The following SATL1 variants were observed in gnomAD, a reference collection of about 807,000 sequenced individuals.
The protein encoded by SATL1 is spermidine/spermine N1-acetyl transferase like 1.
In SATL1, 47 loss-of-function variants were observed where a neutral mutation model predicts 51.8. The observed-to-expected ratio is 0.91, with a 90% CI of 0.72 to 1.16. The LOEUF (loss-of-function observed/expected upper bound fraction) is 1.16. SATL1 is among the 50% of genes most tolerant of loss of function. The probability of loss-of-function intolerance (pLI) is 0.00; values close to 1 mark genes in which losing one functional copy is unlikely to be tolerated. For missense variants in SATL1, 520 were observed against 526.4 expected (o/e 0.99, Z 0.12); for synonymous variants, 176 against 182.4 (o/e 0.97, Z 0.28).
At position 85,107,335 on chromosome X, in the gene SATL1, A is replaced by T. The variant is rs1486383854; in HGVS notation, c.1634T>A (p.Leu545Gln). ...EAGDCPEILR[L>Q]IKELAACENM... is the part of the protein sequence containing the mutation. ...TAATAAAAATAGGCTTACTTTAATC[A>T]GTCGCAAAATTTCTGGGCAGTCTCC... The change falls in exon 3 of 8, where the codon CTG (leucine) becomes CAG (glutamine). Residue 545 changes from leucine (L) to glutamine (Q), a missense_variant. Leu to Gln is a moderately radical substitution (Grantham distance 113). Coordinates refer to ENST00000644105, the MANE Select transcript of SATL1 (RefSeq NM_001367857.2). The T allele has an allele frequency of 8.3e-7, 1 of 1,209,045 alleles. No homozygotes were observed. The highest frequency in any genetic ancestry group is 1.1e-6 in the Non-Finnish European group (1 of 892,885).
chrX:85,180,104 A>G (rs1167815622), intron 2 of SATL1, among the ~76,000 whole-genome samples: 1 of 111,420 alleles, frequency 9.0e-6, no homozygotes, highest in Non-Finnish European at 1.9e-5. Context: ...CACAGGTTAA[A>G]TAACTTTAAG....
At chrX:85,236,744 G>A (rs887032316) in intron 1 of SATL1, among the ~76,000 whole-genome samples, 1 of 111,521 alleles carries the variant, frequency 9.0e-6, no homozygotes. Context: ...AATGAATGGG[G>A]AAATACTGAA....
chrX:85,189,189 T>C (rs1240081293), intron 2 of SATL1, among the ~76,000 whole-genome samples: 1 of 111,999 alleles, frequency 8.9e-6, no homozygotes, highest in African/African-American at 3.2e-5. Flanking sequence ...TATTTTATTT[T>C]TGTTTTAAGA....
chrX:85,133,062 G>A (rs1925854254), intron 2 of SATL1, among the ~76,000 whole-genome samples: 1 of 111,525 alleles, frequency 9.0e-6, no homozygotes, highest in South Asian at 3.8e-4. Flanking sequence ...TGTATGAGGT[G>A]TCAGTTGGCC....
intron 2 of SATL1, among the ~76,000 whole-genome samples, chrX:85,148,182 A>G (rs1168620568): frequency 8.9e-6 from 1 of 112,038 alleles, no homozygotes; most frequent in Non-Finnish European, 1.9e-5. Flanking sequence ...AGAATGCAGA[A>G]GCCTCAGGAG....
intron 2 of SATL1, among the ~76,000 whole-genome samples, chrX:85,157,576 C>G (rs757593157): frequency 9.0e-6 from 1 of 111,162 alleles, no homozygotes; most frequent in African/African-American, 3.3e-5. Context: ...TGTCACCCAC[C>G]TATTTTTCAA....
At chrX:85,149,210 G>C (rs1358524366) in intron 2 of SATL1, among the ~76,000 whole-genome samples, 1 of 111,372 alleles carries the variant, frequency 9.0e-6, no homozygotes, top group Non-Finnish European at 1.9e-5. Context: ...GATCAAAAGA[G>C]ACAAAGAAGG....
chrX:85,227,918 G>A (rs1347360172), intron 1 of SATL1, among the ~76,000 whole-genome samples: 2 of 111,098 alleles, frequency 1.8e-5, no homozygotes, highest in Non-Finnish European at 3.8e-5. Context: ...CCATCTTTTA[G>A]AGGCATATAA....
rs182401308 is a variant in SATL1 at position 85,177,174 on chromosome X, G to A, written c.-313+47031C>T. 2.2e-3 allele frequency among the ~76,000 whole-genome samples: 242 copies of A among 111,677 alleles called. 1 individual carries two copies. Among genetic ancestry groups the A allele is most frequent in the African/African-American group, 7.8e-3 (240 of 30,858 alleles). ...AAGTACAATGTGGGATTCTGAATTA[G>A]ATCCTAGACCAGGAAAATTATATTA... On this transcript the variant is annotated intron_variant, in intron 2 of 7. Transcript: ENST00000644105.
intron 2 of SATL1, among the ~76,000 whole-genome samples, chrX:85,176,154 A>G (rs779885198): frequency 1.3e-3 from 141 of 112,181 alleles, no homozygotes; most frequent in African/African-American, 4.3e-3. Context: ...TGGATCTTAT[A>G]CATATAAAAA....
chrX:85,217,367 T>C (rs1334422913), intron 2 of SATL1, among the ~76,000 whole-genome samples: 1 of 110,858 alleles, frequency 9.0e-6, no homozygotes, highest in Non-Finnish European at 1.9e-5. Flanking sequence ...TTTTTGTAGC[T>C]ACCTCAGTCA....
intron 2 of SATL1, among the ~76,000 whole-genome samples, chrX:85,197,330 G>T (rs1212073139): frequency 9.1e-6 from 1 of 110,452 alleles, no homozygotes; most frequent in East Asian, 2.8e-4. Context: ...TGTAAATGGG[G>T]TATACATCAC....
intron 3 of SATL1, among the ~76,000 whole-genome samples, chrX:85,105,353 G>A (rs16980111): frequency 0.044 from 4,875 of 111,041 alleles, 244 homozygotes; most frequent in African/African-American, 0.14. Context: ...TGAGGGTAGA[G>A]AGAGACTGTA....
chrX:85,150,294 A>G (rs1234770381), intron 2 of SATL1, among the ~76,000 whole-genome samples: 2 of 111,758 alleles, frequency 1.8e-5, no homozygotes, highest in East Asian at 5.6e-4. Context: ...ATAGATGAAT[A>G]ATAGGCTCTG....
intron 2 of SATL1, among the ~76,000 whole-genome samples, chrX:85,161,944 T>G (rs1399334599): frequency 1.8e-5 from 2 of 111,739 alleles, no homozygotes; most frequent in Non-Finnish European, 3.8e-5. Context: ...GTAAAAGAAC[T>G]GATATCGTAC....
intron 2 of SATL1, among the ~76,000 whole-genome samples, chrX:85,112,156 G>A (rs1470802061): frequency 1.8e-5 from 2 of 111,218 alleles, no homozygotes; most frequent in Non-Finnish European, 3.8e-5. Flanking sequence ...TTTGAGACCA[G>A]CTTGGCCAAC....
chrX:85,121,169 T>C (rs1022570282), intron 2 of SATL1, among the ~76,000 whole-genome samples: 1 of 109,668 alleles, frequency 9.1e-6, no homozygotes, highest in East Asian at 2.8e-4. Flanking sequence ...CATAGATTTT[T>C]TGTGGGGATC....
chrX:85,205,559 T>C (rs1429774549), intron 2 of SATL1, among the ~76,000 whole-genome samples: 2 of 111,991 alleles, frequency 1.8e-5, no homozygotes, highest in Non-Finnish European at 1.9e-5. Context: ...AACCCTTCTA[T>C]ATAAAAAGGG....
At chrX:85,234,407 T>C (rs755289612) in intron 1 of SATL1, among the ~76,000 whole-genome samples, 10 of 111,837 alleles carry the variant, frequency 8.9e-5, no homozygotes, top group Non-Finnish European at 1.7e-4. Flanking sequence ...CAGAATATCA[T>C]AGCACTGTAA....
Sources: allele counts gnomAD v4.1 joint callset (sites outside exome capture counted in the v4.1 genomes callset), GRCh38; gene constraint gnomAD v4.1.1; transcripts MANE v1.5; gene names NCBI Gene and HGNC (gene_info 2026-07-23, HGNC 2026-07-21).